Variants in CFAP54 observed in about 807,000 individuals in gnomAD.
The protein encoded by CFAP54 is cilia- and flagella-associated protein 54.
A neutral mutation model predicts 370.4 loss-of-function variants in CFAP54; 290 were observed. The ratio of observed to expected loss-of-function variants is 0.78; its 90% CI spans 0.71 to 0.86. The LOEUF (loss-of-function observed/expected upper bound fraction) is 0.86. CFAP54 is among the 40% of genes least tolerant of loss of function. The probability of loss-of-function intolerance (pLI) is 0.00; values close to 1 mark genes in which losing one functional copy is unlikely to be tolerated. For synonymous variants in CFAP54, 1,206 were observed against 1,236.5 expected, an observed-to-expected ratio of 0.98 and a Z score of 0.52; for missense variants, 3,399 against 3,528.7, an observed-to-expected ratio of 0.96 and a Z score of 0.93.
At chr12:96,611,117 C>G (rs950861895) in intron 26 of CFAP54, among the ~76,000 whole-genome samples, 1 of 152,220 alleles carries the variant, frequency 6.6e-6, no homozygotes, top group African/African-American at 2.4e-5. Flanking sequence ...CCCTGAGTAG[C>G]CTAACTGGGA....
chr12:96,811,728 T>C lies in CFAP54; in HGVS notation c.8851-8T>C. On this transcript the variant is annotated splice_region_variant and splice_polypyrimidine_tract_variant and intron_variant, in intron 63 of 67. Transcript: ENST00000524981. ...TCACATTTTATACCCCTTTTATTTT[T>C]CTTATAGGTTTTATTGTTGTATGCA... is the stretch of plus-strand genomic sequence containing the variant. 7.1e-7 allele frequency: 1 copy of C among 1,409,222 alleles called. No individual in the cohort carries two copies. The highest frequency in any genetic ancestry group is 9.4e-7 in the Non-Finnish European group (1 of 1,062,790). The allele number at this position is 1,409,222 out of a possible 1,614,324, so 87.3% of individuals were successfully genotyped here. A position where few individuals can be genotyped will look rare whatever the true frequency, so the allele number is the denominator to read the frequency against.
At chr12:96,680,937 A>C (rs998078124) in intron 40 of CFAP54, among the ~76,000 whole-genome samples, 3 of 152,138 alleles carry the variant, frequency 2.0e-5, no homozygotes, top group Non-Finnish European at 4.4e-5. Flanking sequence ...TACAAAAATT[A>C]ACCGGTGTGG....
intron 63 of CFAP54, among the ~76,000 whole-genome samples, chr12:96,803,634 T>G (rs1958847178): frequency 6.6e-6 from 1 of 152,148 alleles, no homozygotes; most frequent in Non-Finnish European, 1.5e-5. Context: ...TGACCTTGTG[T>G]ATTGTCAAAG....
In CFAP54 at chr12:96,743,905, G is replaced by C; in HGVS notation, c.7552G>C (p.Glu2518Gln). The C allele has an allele frequency of 6.2e-7, 1 of 1,611,252 alleles. No homozygotes were observed. Among genetic ancestry groups the C allele is most frequent in the South Asian group, 1.1e-5 (1 of 90,408 alleles). Residue 2518 changes from glutamate (E) to glutamine (Q), a missense_variant, in exon 54 of 68, where the codon GAA (glutamate) becomes CAA (glutamine). Glu to Gln is a conservative substitution (Grantham distance 29). Around this residue, in one of 3 missense-constraint regions of CFAP54, gnomAD observed 2,796 missense variants for 2,869.7 expected, o/e 0.97. Transcript: ENST00000524981. ...LLTRAHSILTEQMLAFGETIE... is the reference protein window; with the variant it reads ...LLTRAHSILTQQMLAFGETIE... ...AACTCGGGCTCATAGCATTCTAACT[G>C]AACAGGTGAGAATGCTTTTGTGTCT...
chr12:96,745,695 A>G (rs1958107243), intron 55 of CFAP54, among the ~76,000 whole-genome samples: 1 of 152,282 alleles, frequency 6.6e-6, no homozygotes, highest in Non-Finnish European at 1.5e-5. Flanking sequence ...CCCATTTGTC[A>G]ATAAAAATAG....
rs1317945124 is a variant in CFAP54 at position 96,489,600 on chromosome 12, G to A, written c.-10G>A. 6.6e-7 allele frequency: 1 copy of A among 1,509,246 alleles called. No homozygotes were observed. The highest frequency in any genetic ancestry group is 2.0e-5 in the Admixed American group (1 of 49,010). 93.5% of individuals were successfully genotyped at this position (1,509,246 alleles called of 1,614,324 possible). A position where few individuals can be genotyped will look rare whatever the true frequency, so the allele number is the denominator to read the frequency against. ...GTACACATACTCCAGGCGGGCCGGG[G>A]CGCGTCAATATGGCGGCGCAGGGCT... On this transcript the variant is annotated 5_prime_UTR_variant, in exon 1 of 68. Transcript: ENST00000524981.
intron 62 of CFAP54, among the ~76,000 whole-genome samples, chr12:96,791,317 C>T (rs1430425352): frequency 1.3e-5 from 2 of 151,162 alleles, no homozygotes; most frequent in Admixed American, 6.6e-5. Flanking sequence ...CCATTATTAT[C>T]TCTATGGCTA....
chr12:96,514,821 G>A (rs551825582), intron 5 of CFAP54, among the ~76,000 whole-genome samples: 130 of 152,178 alleles, frequency 8.5e-4, no homozygotes, highest in Non-Finnish European at 1.4e-3. Context: ...TGATTAAATA[G>A]GTATTCTAAT....
At chr12:96,667,579 G>C (rs1236610099) in intron 39 of CFAP54, among the ~76,000 whole-genome samples, 1 of 152,146 alleles carries the variant, frequency 6.6e-6, no homozygotes, top group African/African-American at 2.4e-5. Context: ...GGAGCAGCTG[G>C]GATGAAGGGC....
At chr12:96,588,802 A>G (rs1364002698) in intron 22 of CFAP54, among the ~76,000 whole-genome samples, 1 of 152,188 alleles carries the variant, frequency 6.6e-6, no homozygotes, top group Non-Finnish European at 1.5e-5. Context: ...TACCATAAAA[A>G]ATAGGTAAGT....
intron 26 of CFAP54, 134 bp from the exon 27 acceptor site, chr12:96,621,455 GT>G (rs993140240): frequency 1.8e-5 from 10 of 565,976 alleles, no homozygotes; most frequent in East Asian, 6.9e-5. Flanking sequence ...TAAACTTACG[GT>G]TTTTTTTAAA....
chr12:96,793,418 G>A (rs6538741), intron 63 of CFAP54, among the ~76,000 whole-genome samples: 78,839 of 151,742 alleles, frequency 0.52, 20,758 homozygotes, highest in South Asian at 0.64. Context: ...GTGTGCATAT[G>A]TATATATCAC....
At chr12:96,690,303 T>G (rs1372990731) in intron 43 of CFAP54, among the ~76,000 whole-genome samples, 1 of 152,222 alleles carries the variant, frequency 6.6e-6, no homozygotes, top group Non-Finnish European at 1.5e-5. Context: ...TAGAATAGGA[T>G]ATCTCATGAC....
intron 51 of CFAP54, among the ~76,000 whole-genome samples, chr12:96,742,062 T>C (rs1470085949): frequency 6.6e-6 from 1 of 152,220 alleles, no homozygotes; most frequent in Non-Finnish European, 1.5e-5. Context: ...ACTAAATGGA[T>C]ATTAGTGAAT....
At chr12:96,576,341 G>A (rs1955975507) in intron 19 of CFAP54, among the ~76,000 whole-genome samples, 1 of 151,088 alleles carries the variant, frequency 6.6e-6, no homozygotes, top group African/African-American at 2.4e-5. Flanking sequence ...TGATAATAAT[G>A]ATAAACATAT....
At position 96,674,310 on chromosome 12, in the gene CFAP54, G is replaced by A. The variant is rs185991041; in HGVS notation, c.5564-5290G>A. Among the ~76,000 whole-genome samples, 471 of 150,376 alleles carry A rather than the reference G, an allele frequency of 3.1e-3. 4 individuals carry two copies. The highest frequency in any genetic ancestry group is 0.011 in the African/African-American group (444 of 40,918). Reference sequence around the variant, plus strand: ...GCATTTCAGCTTTCATTTCTAGAGTGGTACAATGAAAGACACAATGTTTTT... The same window carrying A: ...GCATTTCAGCTTTCATTTCTAGAGTAGTACAATGAAAGACACAATGTTTTT... On this transcript the variant is annotated intron_variant, in intron 39 of 67. Transcript: ENST00000524981.
At chr12:96,830,999 C>T (rs765796344) in intron 66 of CFAP54, among the ~76,000 whole-genome samples, 1 of 152,168 alleles carries the variant, frequency 6.6e-6, no homozygotes, top group African/African-American at 2.4e-5. Flanking sequence ...TTTCCTCCTC[C>T]TCTTCTAATG....
intron 36 of CFAP54, among the ~76,000 whole-genome samples, chr12:96,653,761 GAA>G (rs1363369967): frequency 1.3e-5 from 2 of 151,350 alleles, no homozygotes; most frequent in African/African-American, 2.4e-5. Flanking sequence ...AGAAATAAAA[GAA>G]ATGATAAGAG....
chr12:96,559,928 T>C (rs1955798098), intron 17 of CFAP54, among the ~76,000 whole-genome samples: 1 of 152,142 alleles, frequency 6.6e-6, no homozygotes, highest in African/African-American at 2.4e-5. Flanking sequence ...AAGAACTCCT[T>C]ACCTAACCCC....
Sources: allele counts gnomAD v4.1 joint callset (sites outside exome capture counted in the v4.1 genomes callset), GRCh38; gene constraint gnomAD v4.1.1; regional missense constraint gnomAD v4.1.1; transcripts MANE v1.5; gene names NCBI Gene and HGNC (gene_info 2026-07-23, HGNC 2026-07-21).